Variants in PAPPA2 observed in about 807,000 individuals in gnomAD.
The protein encoded by PAPPA2 is pappalysin 2.
A neutral mutation model predicts 176.4 loss-of-function variants in PAPPA2; 86 were observed. The ratio of observed to expected loss-of-function variants is 0.49; its 90% CI spans 0.41 to 0.58. The LOEUF (loss-of-function observed/expected upper bound fraction) is 0.58, where lower values mean the gene tolerates loss of function less well. Ranked by LOEUF, PAPPA2 falls within the 20% of genes least tolerant of loss-of-function variation. The probability of loss-of-function intolerance (pLI) is 0.00; values close to 1 mark genes in which losing one functional copy is unlikely to be tolerated. For missense variants in PAPPA2, 2,073 were observed against 2,256.9 expected (o/e 0.92, Z 1.65); for synonymous variants, 809 against 852.2 (o/e 0.95, Z 0.88).
In PAPPA2 at chr1:176,559,717, A is replaced by G. The variant is rs147223413; in HGVS notation, c.919+2476A>G. On this transcript the variant is annotated intron_variant, in intron 2 of 22. Transcript: ENST00000367662. ...ACCTATGCAGAATGACAATAGAATC[A>G]TGTCCCTGGGAGCCACATACAATTC... Among the ~76,000 whole-genome samples the G allele has an allele frequency of 4.3e-3, 656 of 152,312 alleles. 6 individuals are homozygous for G. The highest frequency in any genetic ancestry group is 0.015 in the African/African-American group (610 of 41,570).
At chr1:176,787,994 A>G (rs1254714332) in intron 17 of PAPPA2, among the ~76,000 whole-genome samples, 1 of 152,158 alleles carries the variant, frequency 6.6e-6, no homozygotes, top group Non-Finnish European at 1.5e-5. Flanking sequence ...CGGGAGGCAG[A>G]GGTTGCAGCG....
At chr1:176,714,578 T>A (rs913494412) in intron 12 of PAPPA2, among the ~76,000 whole-genome samples, 1 of 152,166 alleles carries the variant, frequency 6.6e-6, no homozygotes, top group African/African-American at 2.4e-5. Context: ...ATAACCTACA[T>A]CTGCGGAAGA....
At chr1:176,789,651 T>C (rs1447458956) in intron 17 of PAPPA2, among the ~76,000 whole-genome samples, 158 bp from the exon 18 acceptor site, 1 of 152,238 alleles carries the variant, frequency 6.6e-6, no homozygotes, top group Non-Finnish European at 1.5e-5. Flanking sequence ...TTTAGTTCCA[T>C]GATTTAGAAA....
intron 1 of PAPPA2, among the ~76,000 whole-genome samples, chr1:176,496,173 T>C (rs1647608708): frequency 6.6e-6 from 1 of 152,200 alleles, no homozygotes; most frequent in Non-Finnish European, 1.5e-5. Context: ...ACATGTGCCA[T>C]GTTGGTGTGC....
At chr1:176,503,673 G>A (rs968691674) in intron 1 of PAPPA2, among the ~76,000 whole-genome samples, 1 of 152,136 alleles carries the variant, frequency 6.6e-6, no homozygotes, top group African/African-American at 2.4e-5. Context: ...TTGTTCTTGT[G>A]CCATAGCTCC....
intron 15 of PAPPA2, among the ~76,000 whole-genome samples, chr1:176,767,001 A>C (rs2102907723): frequency 6.6e-6 from 1 of 152,146 alleles, no homozygotes; most frequent in East Asian, 1.9e-4. Context: ...AAAGGTATAC[A>C]CTTTGGCTTC....
chr1:176,797,861 C>G (rs1665516211), intron 20 of PAPPA2, among the ~76,000 whole-genome samples: 1 of 152,012 alleles, frequency 6.6e-6, no homozygotes, highest in South Asian at 2.1e-4. Flanking sequence ...ATGGCATATA[C>G]ATATATTTAT....
chr1:176,820,529 A>G (rs1473365106), intron 21 of PAPPA2, among the ~76,000 whole-genome samples: 1 of 152,174 alleles, frequency 6.6e-6, no homozygotes, highest in Admixed American at 6.5e-5. Context: ...ACACATGCAC[A>G]TGCACATGGC....
At chr1:176,627,577 TA>T (rs1178781727) in intron 3 of PAPPA2, among the ~76,000 whole-genome samples, 1 of 152,176 alleles carries the variant, frequency 6.6e-6, no homozygotes, top group Non-Finnish European at 1.5e-5. Context: ...AAAAGAGTCT[TA>T]AAAAAGGTGT....
intron 14 of PAPPA2, among the ~76,000 whole-genome samples, chr1:176,752,109 G>T (rs1383371731): frequency 7.6e-6 from 1 of 131,040 alleles, no homozygotes; most frequent in Non-Finnish European, 1.6e-5. Context: ...ATCAAACACC[G>T]CATATTCTCA....
At chr1:176,807,890 C>T (rs563960508) in intron 21 of PAPPA2, among the ~76,000 whole-genome samples, 1 of 152,224 alleles carries the variant, frequency 6.6e-6, no homozygotes, top group African/African-American at 2.4e-5. Flanking sequence ...ATACTGATGC[C>T]GTGTTCTGTG....
chr1:176,532,166 G>A (rs925908646), intron 1 of PAPPA2, among the ~76,000 whole-genome samples: 5 of 152,094 alleles, frequency 3.3e-5, no homozygotes, highest in Middle Eastern at 3.2e-3. Context: ...CTCTACCTCC[G>A]GTACCTTAGG....
chr1:176,594,413 C>T, intron 2 of PAPPA2, 111 bp from the exon 3 acceptor site: 1 of 889,476 alleles, frequency 1.1e-6, no homozygotes, highest in South Asian at 1.8e-5. Flanking sequence ...TTACTTTATT[C>T]CCCATTAAAA....
intron 21 of PAPPA2, among the ~76,000 whole-genome samples, chr1:176,802,381 G>C (rs932784788): frequency 2.0e-5 from 3 of 152,088 alleles, no homozygotes; most frequent in Admixed American, 6.5e-5. Flanking sequence ...AAATGAAAAA[G>C]AAAGGACAAG....
chr1:176,581,918 CTTTCTTTT>C (rs1275932746), intron 2 of PAPPA2, among the ~76,000 whole-genome samples: 10 of 117,920 alleles, frequency 8.5e-5, no homozygotes, highest in South Asian at 3.0e-4. Flanking sequence ...TTCTTTCTTT[CTTTCTTTT>C]TTTTTTTTTT....
intron 3 of PAPPA2, among the ~76,000 whole-genome samples, chr1:176,625,761 C>T (rs894790803): frequency 6.6e-6 from 1 of 152,172 alleles, no homozygotes; most frequent in East Asian, 1.9e-4. Context: ...TGGCTTACAC[C>T]AGTAATCCCT....
At chr1:176,706,233 T>G in intron 9 of PAPPA2, 126 bp from the exon 10 acceptor site, 1 of 700,412 alleles carries the variant, frequency 1.4e-6, no homozygotes. Context: ...TTCTTCTAGC[T>G]CCTACTTTTT....
chr1:176,745,708 T>C (rs1372815340), intron 14 of PAPPA2, among the ~76,000 whole-genome samples: 1 of 152,104 alleles, frequency 6.6e-6, no homozygotes, highest in African/African-American at 2.4e-5. Context: ...AAGGAACAAA[T>C]GTGGAAGAGG....
intron 1 of PAPPA2, among the ~76,000 whole-genome samples, chr1:176,534,438 A>G (rs1454826246): frequency 3.3e-5 from 5 of 152,242 alleles, no homozygotes; most frequent in Admixed American, 2.0e-4. Context: ...AAATCTGCCC[A>G]GATTGGAAGA....
Sources: gnomAD v4.1 joint callset for allele counts (sites outside exome capture counted in the v4.1 genomes callset) on GRCh38, gnomAD v4.1.1 for gene constraint, MANE v1.5 for transcripts, NCBI Gene and HGNC (gene_info 2026-07-23, HGNC 2026-07-21) for gene names.